The following KLHL13 variants were observed in gnomAD, a reference collection of about 807,000 sequenced individuals.
The protein encoded by KLHL13 is kelch-like protein 13.
Under a neutral mutation model 37.1 loss-of-function variants are expected in KLHL13, and 10 were observed. The ratio of observed to expected loss-of-function variants is 0.27; its 90% CI spans 0.17 to 0.46. The LOEUF is 0.46. KLHL13 is among the 20% of genes least tolerant of loss of function. The pLI, the probability that KLHL13 is intolerant of heterozygous loss-of-function variation, is 1.00. For missense variants in KLHL13, 360 were observed against 509.3 expected (o/e 0.71, Z 2.82); for synonymous variants, 163 against 181.2 (o/e 0.90, Z 0.81).
At chrX:117,972,411 T>C (rs950073483) in intron 1 of KLHL13, among the ~76,000 whole-genome samples, 4 of 112,756 alleles carry the variant, frequency 3.5e-5, no homozygotes, top group African/African-American at 9.6e-5. Context: ...CCTAAGTGTT[T>C]TAGATATTCA....
At chrX:118,107,795 C>T (rs1406281542) in intron 1 of KLHL13, among the ~76,000 whole-genome samples, 1 of 111,638 alleles carries the variant, frequency 9.0e-6, no homozygotes, top group Admixed American at 9.5e-5. Flanking sequence ...TGCAGTGGCT[C>T]ATGTCTGTAA....
chrX:117,944,090 T>C (rs767970454), intron 2 of KLHL13, among the ~76,000 whole-genome samples: 5 of 111,303 alleles, frequency 4.5e-5, no homozygotes, highest in African/African-American at 1.6e-4. Context: ...GCCCCTCTGC[T>C]GCAGATCTGC....
At chrX:118,002,643 T>TAAAA (rs1258842250) in intron 1 of KLHL13, among the ~76,000 whole-genome samples, 167 of 99,010 alleles carry the variant, frequency 1.7e-3, no homozygotes, top group African/African-American at 5.6e-3. Context: ...AATAAATAAA[T>TAAAA]AAAATGCTGT....
intron 1 of KLHL13, among the ~76,000 whole-genome samples, chrX:117,989,021 G>A (rs182645592): frequency 9.0e-6 from 1 of 111,309 alleles, no homozygotes; most frequent in African/African-American, 3.2e-5. Flanking sequence ...TGTTAGTTTG[G>A]AAACATAGAA....
chrX:118,081,940 T>TG (rs2054998845), intron 1 of KLHL13, among the ~76,000 whole-genome samples: 2 of 97,673 alleles, frequency 2.0e-5, no homozygotes, highest in East Asian at 6.3e-4. Flanking sequence ...TAGTATTCCA[T>TG]TGTGTGTGTG....
At chrX:118,058,617 T>C (rs994552852) in intron 1 of KLHL13, among the ~76,000 whole-genome samples, 7 of 112,285 alleles carry the variant, frequency 6.2e-5, no homozygotes, top group African/African-American at 2.3e-4. Context: ...AAAATATTTG[T>C]TGACTTTTCC....
chrX:118,035,959 A>G (rs1335895544), intron 1 of KLHL13, among the ~76,000 whole-genome samples: 1 of 100,753 alleles, frequency 9.9e-6, no homozygotes, highest in Non-Finnish European at 1.9e-5. Context: ...ACAGACAAAC[A>G]GAGAGCCAAA....
At chrX:118,024,930 C>G (rs5909520) in intron 1 of KLHL13, among the ~76,000 whole-genome samples, 2 of 112,200 alleles carry the variant, frequency 1.8e-5, no homozygotes, top group Non-Finnish European at 3.8e-5. Context: ...TACAAGAATT[C>G]TAATAACAGT....
intron 2 of KLHL13, among the ~76,000 whole-genome samples, chrX:117,941,864 G>A (rs1933054183): frequency 1.8e-5 from 2 of 111,152 alleles, no homozygotes; most frequent in African/African-American, 6.5e-5. Flanking sequence ...GTTATTTCTT[G>A]TCGTCTGCTA....
At chrX:118,098,925 TGGGGTGGGGGAAGG>T (rs1232115041) in intron 1 of KLHL13, among the ~76,000 whole-genome samples, 5 of 44,031 alleles carry the variant, frequency 1.1e-4, no homozygotes, top group Admixed American at 3.0e-4. Flanking sequence ...GGGACTGTTG[TGGGGTGGGGGAAGG>T]GGGGTGGGGG....
intron 1 of KLHL13, among the ~76,000 whole-genome samples, chrX:117,962,682 C>T (rs1465839349): frequency 8.9e-6 from 1 of 112,187 alleles, no homozygotes; most frequent in Admixed American, 9.5e-5. Flanking sequence ...TCCCATCTAC[C>T]ATATTTCCCT....
intron 1 of KLHL13, among the ~76,000 whole-genome samples, chrX:117,955,881 T>C (rs1433920081): frequency 9.0e-6 from 1 of 111,527 alleles, no homozygotes; most frequent in Non-Finnish European, 1.9e-5. Flanking sequence ...TGTTAGGAGA[T>C]GCAAAAAGTC....
At chrX:117,936,051 T>C (rs1932754687) in intron 2 of KLHL13, among the ~76,000 whole-genome samples, 1 of 111,640 alleles carries the variant, frequency 9.0e-6, no homozygotes, top group South Asian at 3.8e-4. Context: ...AGGAAAGTTA[T>C]CATTCAGTGA....
At chrX:118,073,885 C>T (rs2054900594) in intron 1 of KLHL13, among the ~76,000 whole-genome samples, 1 of 111,375 alleles carries the variant, frequency 9.0e-6, no homozygotes, top group African/African-American at 3.3e-5. Flanking sequence ...TAGATCAAAT[C>T]CTACTGTTTC....
intron 1 of KLHL13, among the ~76,000 whole-genome samples, chrX:118,036,407 T>TG (rs1363889430): frequency 9.0e-6 from 1 of 111,065 alleles, no homozygotes; most frequent in Non-Finnish European, 1.9e-5. Context: ...TATAGATCAA[T>TG]GAACAGAACA....
intron 2 of KLHL13, among the ~76,000 whole-genome samples, chrX:117,933,862 G>A (rs1457282613): frequency 9.0e-6 from 1 of 110,568 alleles, no homozygotes; most frequent in Non-Finnish European, 1.9e-5. Flanking sequence ...AATAGAAGAA[G>A]CTACTAACTC....
chrX:117,954,241 C>A (rs1292828113), intron 1 of KLHL13, among the ~76,000 whole-genome samples: 1 of 112,323 alleles, frequency 8.9e-6, no homozygotes, highest in Non-Finnish European at 1.9e-5. Context: ...GTCCCTTCAT[C>A]TTTTAAAATT....
chrX:117,986,662 T>C (rs2053729811), intron 1 of KLHL13, among the ~76,000 whole-genome samples: 1 of 111,597 alleles, frequency 9.0e-6, no homozygotes, highest in African/African-American at 3.3e-5. Flanking sequence ...GCTCCAGAGG[T>C]CCCTCTTGCA....
At chrX:117,951,157 T>C (rs1933577297) in intron 1 of KLHL13, among the ~76,000 whole-genome samples, 1 of 111,875 alleles carries the variant, frequency 8.9e-6, no homozygotes, top group Admixed American at 9.5e-5. Flanking sequence ...CAACTTTCAT[T>C]ATGAAACAAA....
Sources: allele counts gnomAD v4.1 joint callset (sites outside exome capture counted in the v4.1 genomes callset), GRCh38; gene constraint gnomAD v4.1.1; transcripts MANE v1.5; gene names NCBI Gene and HGNC (gene_info 2026-07-23, HGNC 2026-07-21).